DNAH11: variants seen among roughly 807,000 people sequenced by gnomAD.
The protein encoded by DNAH11 is dynein axonemal heavy chain 11.
In DNAH11, 442 loss-of-function variants were observed where a neutral mutation model predicts 526.0. The ratio of observed to expected loss-of-function variants is 0.84; its 90% CI spans 0.78 to 0.91. The LOEUF (loss-of-function observed/expected upper bound fraction) is 0.91, where lower values mean the gene tolerates loss of function less well. DNAH11 is among the 40% of genes least tolerant of loss of function. The probability of loss-of-function intolerance (pLI) is 0.00; values close to 1 mark genes in which losing one functional copy is unlikely to be tolerated. For synonymous variants in DNAH11, 2,461 were observed against 1,935.9 expected (o/e 1.27, Z -7.12); for missense variants, 6,989 against 5,448.7 (o/e 1.28, Z -8.90).
chr7:21,563,805 C>T (rs1280277607), intron 5 of DNAH11, among the ~76,000 whole-genome samples: 2 of 152,236 alleles, frequency 1.3e-5, no homozygotes, highest in East Asian at 3.9e-4. Context: ...AAGGAATTAA[C>T]ATTCTAGTGA....
intron 28 of DNAH11, among the ~76,000 whole-genome samples, 188 bp downstream of exon 28, chr7:21,639,253 G>A (rs1233360586): frequency 6.6e-6 from 1 of 152,170 alleles, no homozygotes; most frequent in Non-Finnish European, 1.5e-5. Flanking sequence ...AAGAATAACT[G>A]TCTGGTGCTG....
chr7:21,561,292 T>C, intron 5 of DNAH11, 122 bp downstream of exon 5: 1 of 694,048 alleles, frequency 1.4e-6, no homozygotes, highest in East Asian at 2.7e-5. Context: ...TCATGGCTCT[T>C]CTAATGATAA....
Position 21,725,828 on chromosome 7 carries a change from T to G in DNAH11, c.7284T>G (p.Ala2428=). ...LLQDQISDYQ[A]DFSRWWQKEM... The stretch of plus-strand genomic sequence containing the variant: ...CTCCTTAGATTTCTGATTATCAAGC[T>G]GACTTCAGTCGGTGGTGGCAGAAAG... The change falls in exon 45 of 82, where the codon GCT becomes GCG. Residue 2428 remains alanine, a synonymous_variant. Transcript: ENST00000409508. The G allele has an allele frequency of 6.2e-7, 1 of 1,611,788 alleles. No individual in the cohort carries two copies. The highest frequency in any genetic ancestry group is 8.5e-7 in the Non-Finnish European group (1 of 1,178,882).
intron 68 of DNAH11, among the ~76,000 whole-genome samples, chr7:21,861,507 T>C (rs1400866270): frequency 6.6e-6 from 1 of 152,266 alleles, no homozygotes; most frequent in African/African-American, 2.4e-5. Context: ...TGAATGTATG[T>C]ACACTTAAAA....
chr7:21,586,769 C>A (rs912131965), intron 9 of DNAH11, among the ~76,000 whole-genome samples: 1 of 152,104 alleles, frequency 6.6e-6, no homozygotes, highest in Non-Finnish European at 1.5e-5. Flanking sequence ...TTTGAGATGT[C>A]TTCTTTCAGA....
intron 57 of DNAH11, among the ~76,000 whole-genome samples, chr7:21,779,716 C>T (rs1463621886): frequency 1.3e-5 from 2 of 152,034 alleles, no homozygotes; most frequent in African/African-American, 2.4e-5. Context: ...CTTCTTTTAC[C>T]AAAACGTCAG....
chr7:21,571,167 CAGG>C (rs922480753), intron 7 of DNAH11, among the ~76,000 whole-genome samples: 19 of 152,118 alleles, frequency 1.2e-4, no homozygotes, highest in African/African-American at 4.1e-4. Flanking sequence ...GTGATGAAAA[CAGG>C]AGTTTTGGAT....
intron 30 of DNAH11, among the ~76,000 whole-genome samples, chr7:21,675,912 G>A (rs955452866): frequency 1.6e-4 from 25 of 152,176 alleles, no homozygotes; most frequent in African/African-American, 6.0e-4. Flanking sequence ...AATGGCCAGG[G>A]AAGGCCAATT....
chr7:21,852,857 T>C (rs1782695017), intron 67 of DNAH11, among the ~76,000 whole-genome samples: 3 of 152,342 alleles, frequency 2.0e-5, no homozygotes, highest in Admixed American at 2.0e-4. Flanking sequence ...AATTAGACAC[T>C]GTCCGGCTAT....
chr7:21,692,591 G>T (rs960302097), intron 35 of DNAH11, among the ~76,000 whole-genome samples: 3 of 152,148 alleles, frequency 2.0e-5, no homozygotes, highest in African/African-American at 7.2e-5. Context: ...CACTTGGGCT[G>T]TTTCCAGGTT....
intron 2 of DNAH11, among the ~76,000 whole-genome samples, chr7:21,552,300 C>T (rs551505398): frequency 1.3e-5 from 2 of 152,272 alleles, no homozygotes; most frequent in Admixed American, 1.3e-4. Flanking sequence ...ACTTGAGATA[C>T]AGAATCTTTT....
At chr7:21,828,512 G>A (rs547433785) in intron 65 of DNAH11, among the ~76,000 whole-genome samples, 1 of 151,992 alleles carries the variant, frequency 6.6e-6, no homozygotes, top group Non-Finnish European at 1.5e-5. Flanking sequence ...CTCACATTCA[G>A]TCATCTTGGT....
chr7:21,772,958 G>C (rs1269346563), intron 55 of DNAH11, among the ~76,000 whole-genome samples: 1 of 152,024 alleles, frequency 6.6e-6, no homozygotes, highest in Non-Finnish European at 1.5e-5. Flanking sequence ...ACAACACTTT[G>C]GTAAATTATG....
intron 66 of DNAH11, among the ~76,000 whole-genome samples, chr7:21,845,837 T>C (rs1159231219): frequency 1.3e-5 from 2 of 152,212 alleles, no homozygotes; most frequent in Non-Finnish European, 2.9e-5. Flanking sequence ...ATACTCAGAA[T>C]GGCTTAACAA....
chr7:21,653,434 T>C (rs1386542481), intron 28 of DNAH11, among the ~76,000 whole-genome samples: 1 of 152,212 alleles, frequency 6.6e-6, no homozygotes, highest in Non-Finnish European at 1.5e-5. Context: ...TTGTGTTTCC[T>C]GGTCATTGAG....
At chr7:21,741,854 A>G in intron 48 of DNAH11, 73 bp from the exon 49 acceptor site, 1 of 1,542,122 alleles carries the variant, frequency 6.5e-7, no homozygotes, top group East Asian at 2.3e-5. Context: ...GGAGGAGTGA[A>G]AAAAAATCAG....
In DNAH11 at chr7:21,773,906, T is replaced by G. The variant is rs367808905; in HGVS notation, c.9243T>G (p.Phe3081Leu). Residue 3081 changes from phenylalanine to leucine, a missense_variant, in exon 56 of 82, where the codon TTT becomes TTG. Phe to Leu is a conservative substitution (Grantham distance 22). Transcript: ENST00000409508. ...GTTTTCTAGAACAAATATCACTGTTTAAGAACCTGTTGAAGAAGAAGCAAA... is the reference window on the plus strand; with the variant it reads ...GTTTTCTAGAACAAATATCACTGTTGAAGAACCTGTTGAAGAAGAAGCAAA... ...PKSFLEQISL[F>L]KNLLKKKQNE... 6.2e-6 allele frequency: 10 copies of G among 1,601,526 alleles called. No homozygotes were observed. The African/African-American group carries it at 1.1e-4, about 17-fold the overall frequency.
At chr7:21,742,968 C>T (rs531809725) in intron 49 of DNAH11, among the ~76,000 whole-genome samples, 1 of 152,322 alleles carries the variant, frequency 6.6e-6, no homozygotes, top group Admixed American at 6.5e-5. Flanking sequence ...AAAATGGTGC[C>T]TTAAGTGGTG....
At chr7:21,881,030 A>G in intron 75 of DNAH11, 137 bp downstream of exon 75, 1 of 810,112 alleles carries the variant, frequency 1.2e-6, no homozygotes, top group Admixed American at 3.7e-5. Context: ...ATCTTCTGCC[A>G]AGTGTGAAAA....
Sources: gnomAD v4.1 joint callset for allele counts (sites outside exome capture counted in the v4.1 genomes callset) on GRCh38, gnomAD v4.1.1 for gene constraint, MANE v1.5 for transcripts, NCBI Gene and HGNC (gene_info 2026-07-23, HGNC 2026-07-21) for gene names.